Variants in NTRK2 observed in about 807,000 individuals in gnomAD.
The protein encoded by NTRK2 is neurotrophic receptor tyrosine kinase 2.
In NTRK2, 13 loss-of-function variants were observed where a neutral mutation model predicts 94.5. The observed-to-expected ratio is 0.14, with a 90% CI of 0.09 to 0.22. The LOEUF (loss-of-function observed/expected upper bound fraction) is 0.22, where lower values mean the gene tolerates loss of function less well. NTRK2 is among the 10% of genes least tolerant of loss of function. The pLI is 1.00. For synonymous variants in NTRK2, 372 were observed against 407.4 expected (o/e 0.91, Z 1.05); for missense variants, 639 against 1,071.2 (o/e 0.60, Z 5.63).
chr9:84,787,339 C>CA (rs2068229872), intron 12 of NTRK2, among the ~76,000 whole-genome samples: 1 of 150,856 alleles, frequency 6.6e-6, no homozygotes, highest in African/African-American at 2.5e-5. Flanking sequence ...AACAAACAAA[C>CA]AAAAAACAGG....
Position 85,021,964 on chromosome 9 carries a change from T to G in NTRK2, c.*527T>G. 4.1e-6 allele frequency: 1 copy of G among 242,566 alleles called. No individual in the cohort carries two copies. The highest frequency in any genetic ancestry group is 5.9e-5 in the East Asian group (1 of 16,920). 15.0% of individuals were successfully genotyped at this position (242,566 alleles called of 1,614,324 possible). On this transcript the variant is annotated 3_prime_UTR_variant, in exon 19 of 19. Coordinates refer to ENST00000277120, the MANE Select transcript of NTRK2 (RefSeq NM_006180.6). Reference sequence around the variant, plus strand: ...ACAGATATCGAGAGTTTCTATGGATTCACTTCTATTTATTTATTATTATTA... The same window carrying G: ...ACAGATATCGAGAGTTTCTATGGATGCACTTCTATTTATTTATTATTATTA...
intron 17 of NTRK2, among the ~76,000 whole-genome samples, chr9:84,981,246 G>A (rs1170131421): frequency 7.8e-6 from 1 of 127,784 alleles, no homozygotes; most frequent in African/African-American, 3.2e-5. Flanking sequence ...ATGCCCAGCC[G>A]GTTTTGTTTT....
intron 4 of NTRK2, among the ~76,000 whole-genome samples, chr9:84,705,922 T>A (rs1401323770): frequency 6.6e-6 from 1 of 151,788 alleles, no homozygotes; most frequent in Non-Finnish European, 1.5e-5. Context: ...CCCAAGTAGC[T>A]GAGATTACAG....
intron 17 of NTRK2, among the ~76,000 whole-genome samples, chr9:84,984,491 C>T (rs1267063550): frequency 1.3e-5 from 1 of 76,434 alleles, no homozygotes; most frequent in Non-Finnish European, 2.8e-5. Flanking sequence ...AACAAACAAA[C>T]AAACAAAAAA....
intron 12 of NTRK2, among the ~76,000 whole-genome samples, chr9:84,808,864 C>T (rs192703175): frequency 1.5e-3 from 232 of 152,286 alleles, no homozygotes; most frequent in African/African-American, 5.1e-3. Flanking sequence ...GTGGTACTTA[C>T]GGTTCTGGAG....
intron 12 of NTRK2, among the ~76,000 whole-genome samples, chr9:84,800,863 C>T (rs1281267441): frequency 6.6e-6 from 1 of 152,146 alleles, no homozygotes; most frequent in Non-Finnish European, 1.5e-5. Context: ...TTGGGCCACC[C>T]TTTTCCAGGA....
At chr9:84,728,028 G>A in intron 9 of NTRK2, 69 bp downstream of exon 9, 1 of 1,445,042 alleles carries the variant, frequency 6.9e-7, no homozygotes, top group Non-Finnish European at 9.7e-7. Context: ...ACAAAATCAT[G>A]TATACAATAA....
chr9:84,782,106 G>C (rs1481221524), intron 12 of NTRK2, among the ~76,000 whole-genome samples: 2 of 151,800 alleles, frequency 1.3e-5, no homozygotes, highest in Non-Finnish European at 2.9e-5. Flanking sequence ...CAGTGGGTGA[G>C]AGGAGCAGGT....
rs1367604059 is a variant in NTRK2 at position 84,702,231 on chromosome 9, T to A, written c.285T>A (p.Asn95Lys). The A allele has an allele frequency of 1.2e-6, 2 of 1,614,144 alleles. No individual in the cohort carries two copies. Among genetic ancestry groups the A allele is most frequent in the Non-Finnish European group, 1.7e-6 (2 of 1,179,960 alleles). Residue 95 changes from asparagine to lysine, a missense_variant and splice_region_variant, in exon 3 of 19, where the codon AAT becomes AAA. Asn to Lys is a moderately conservative substitution (Grantham distance 94). This residue lies in a region of NTRK2 where 206 missense variants were observed against 251.5 expected (regional missense o/e 0.82). Transcript: ENST00000277120. ...TTGAAGCTTATGTGGGACTGAGAAATCTGTGAGTACTCAGGACCAGGGCAC... is the reference window on the plus strand; with the variant it reads ...TTGAAGCTTATGTGGGACTGAGAAAACTGTGAGTACTCAGGACCAGGGCAC... ...DDVEAYVGLRNLTIVDSGLKF... is the reference protein window; with the variant it reads ...DDVEAYVGLRKLTIVDSGLKF...
intron 12 of NTRK2, chr9:84,814,114 T>C: frequency 1.9e-6 from 2 of 1,065,464 alleles, no homozygotes; most frequent in Non-Finnish European, 2.3e-6. Flanking sequence ...ATTTCATTTC[T>C]GACCCACTAG....
rs1251771059 is a variant in NTRK2 at position 84,706,514 on chromosome 9, A to ATTTTTTT, written c.360-1324_360-1323insTTTTTTT. Among the ~76,000 whole-genome samples the ATTTTTTT allele has an allele frequency of 3.9e-4, 27 of 68,578 alleles. 1 individual carries two copies. The highest frequency in any genetic ancestry group is 8.7e-4 in the African/African-American group (16 of 18,436). The allele number at this position is 68,578 out of a possible 152,430, so 45.0% of individuals were successfully genotyped here. A position where few individuals can be genotyped will look rare whatever the true frequency, so the allele number is the denominator to read the frequency against. The stretch of plus-strand genomic sequence containing the variant: ...GTCACCCTCAGATCTCATGTGTGTT[A>ATTTTTTT]TTTTTTGTTTTTGTTTTTTTTTTTT... On this transcript the variant is annotated intron_variant, in intron 4 of 18. Coordinates refer to ENST00000277120, the MANE Select transcript of NTRK2 (RefSeq NM_006180.6).
chr9:84,699,984 A>G (rs1197419662), intron 2 of NTRK2, among the ~76,000 whole-genome samples: 1 of 152,212 alleles, frequency 6.6e-6, no homozygotes, highest in Non-Finnish European at 1.5e-5. Context: ...TAAAGTCCCC[A>G]TTGAGTTCCA....
chr9:84,703,844 C>T (rs2060879732), intron 4 of NTRK2, among the ~76,000 whole-genome samples: 1 of 152,214 alleles, frequency 6.6e-6, no homozygotes, highest in African/African-American at 2.4e-5. Context: ...CTGCACAAAT[C>T]TTTGCCTGCA....
At chr9:84,836,079 C>A (rs2073857240) in intron 12 of NTRK2, among the ~76,000 whole-genome samples, 1 of 152,208 alleles carries the variant, frequency 6.6e-6, no homozygotes, top group African/African-American at 2.4e-5. Flanking sequence ...ACCATTCTAG[C>A]AAACACCATA....
chr9:84,702,061 G>C, intron 2 of NTRK2, 98 bp from the exon 3 acceptor site: 1 of 1,034,122 alleles, frequency 9.7e-7, no homozygotes, highest in South Asian at 1.3e-5. Context: ...TGGTGTGGAG[G>C]GAGCACCTTG....
At chr9:84,835,466 G>C (rs2073816644) in intron 12 of NTRK2, among the ~76,000 whole-genome samples, 1 of 152,072 alleles carries the variant, frequency 6.6e-6, no homozygotes, top group African/African-American at 2.4e-5. Context: ...TGTCTATCAA[G>C]TGCTAAAGCC....
intron 14 of NTRK2, chr9:84,874,500 C>T: frequency 9.4e-7 from 1 of 1,065,790 alleles, no homozygotes; most frequent in Non-Finnish European, 1.1e-6. Context: ...TGTGATGCTG[C>T]TCTGAGGTTG....
At chr9:84,990,775 G>A (rs939979050) in intron 17 of NTRK2, among the ~76,000 whole-genome samples, 2 of 152,182 alleles carry the variant, frequency 1.3e-5, no homozygotes, top group African/African-American at 4.8e-5. Flanking sequence ...AAGAAGCACT[G>A]CCCTGCTTTA....
At chr9:84,845,192 T>C (rs964734341) in intron 12 of NTRK2, among the ~76,000 whole-genome samples, 1 of 152,038 alleles carries the variant, frequency 6.6e-6, no homozygotes, top group Non-Finnish European at 1.5e-5. Context: ...GTTGCAAAGA[T>C]ATGAAACCAG....
Sources: allele counts gnomAD v4.1 joint callset (sites outside exome capture counted in the v4.1 genomes callset), GRCh38; gene constraint gnomAD v4.1.1; regional missense constraint gnomAD v4.1.1; transcripts MANE v1.5; gene names NCBI Gene and HGNC (gene_info 2026-07-23, HGNC 2026-07-21).